Variants in CHD7 observed in about 807,000 individuals in gnomAD.
CHD7 encodes the protein ATP-dependent chromatin remodeler CHD7.
A neutral mutation model predicts 307.3 loss-of-function variants in CHD7; 24 were observed. The observed-to-expected ratio is 0.08, with a 90% CI of 0.06 to 0.11. The LOEUF (loss-of-function observed/expected upper bound fraction) is 0.11, where lower values mean the gene tolerates loss of function less well. Among genes scored for constraint, CHD7 ranks in the 10% least tolerant of loss-of-function variants. The pLI, the probability that CHD7 is intolerant of heterozygous loss-of-function variation, is 1.00. For synonymous variants in CHD7, 1,363 were observed against 1,349.9 expected (o/e 1.01, Z -0.21); for missense variants, 3,106 against 3,727.1 (o/e 0.83, Z 4.34).
chr8:60,836,041 A>T, intron 15 of CHD7, 32 bp from the exon 16 acceptor site: 1 of 1,511,136 alleles, frequency 6.6e-7, no homozygotes, highest in Non-Finnish European at 9.1e-7. Flanking sequence ...AACCTTTTAC[A>T]GTATTCACGT....
At chr8:60,851,164 G>T in intron 27 of CHD7, 60 bp downstream of exon 27, 1 of 1,480,446 alleles carries the variant, frequency 6.8e-7, no homozygotes, top group Non-Finnish European at 9.2e-7. Context: ...GCCCACATAA[G>T]ACTTGTTAAA....
intron 7 of CHD7, 29 bp downstream of exon 7, chr8:60,808,301 G>A: frequency 7.7e-7 from 1 of 1,295,164 alleles, no homozygotes; most frequent in Non-Finnish European, 1.1e-6. Flanking sequence ...TGTTTTTAAT[G>A]GGGGGCTATA....
intron 1 of CHD7, among the ~76,000 whole-genome samples, chr8:60,726,393 A>G (rs1017640748): frequency 1.3e-5 from 2 of 152,236 alleles, no homozygotes; most frequent in African/African-American, 4.8e-5. Context: ...GATCAAGGCC[A>G]CGTAGCCTAG....
Position 60,742,824 on chromosome 8 carries a change from G to C in CHD7, c.1392G>C (p.Met464Ile). The C allele has an allele frequency of 6.2e-7, 1 of 1,613,766 alleles. No homozygotes were observed. The highest frequency in any genetic ancestry group is 1.3e-5 in the African/African-American group (1 of 75,048). The change falls in exon 2 of 38, where the codon ATG becomes ATC. Residue 464 changes from methionine to isoleucine, a missense_variant. This residue lies in a region of CHD7 where 998 missense variants were observed against 1,004.5 expected (regional missense o/e 0.99). Coordinates refer to ENST00000423902, the MANE Select transcript of CHD7 (RefSeq NM_017780.4). ...NMQQSRPFIG[M>I]SSAPRELTGH... ...AGCAGTCTCGTCCATTTATAGGCATGTCCTCGGCACCAAGGGAATTGACTG... is the reference window on the plus strand; with the variant it reads ...AGCAGTCTCGTCCATTTATAGGCATCTCCTCGGCACCAAGGGAATTGACTG...
In CHD7 at chr8:60,836,292, C is replaced by T. The variant is rs373206209; in HGVS notation, c.3989+9C>T. On this transcript the variant is annotated intron_variant, in intron 16 of 37. Coordinates refer to ENST00000423902, the MANE Select transcript of CHD7 (RefSeq NM_017780.4). ...TACCTCATTCAAAGACGGTGAGGACCACCATATCAGAATAATAAAAAGGAA... is the reference window on the plus strand; with the variant it reads ...TACCTCATTCAAAGACGGTGAGGACTACCATATCAGAATAATAAAAAGGAA... The T allele has an allele frequency of 5.3e-5, 86 of 1,609,658 alleles. No individual in the cohort carries two copies. In the African/African-American group the frequency reaches 9.8e-4, roughly 18 times the overall value.
intron 3 of CHD7, among the ~76,000 whole-genome samples, chr8:60,789,517 C>T (rs552788276): frequency 5.9e-5 from 9 of 152,336 alleles, no homozygotes; most frequent in African/African-American, 1.9e-4. Context: ...TTCCCATTGT[C>T]CAGACATTCT....
Position 60,850,806 on chromosome 8 carries a change from T to C in CHD7, c.5534+184T>C. The C allele has an allele frequency of 9.3e-6, 7 of 749,818 alleles. No homozygotes were observed. In the South Asian group the frequency reaches 1.2e-4, roughly 12 times the overall value. 46.4% of individuals were successfully genotyped at this position (749,818 alleles called of 1,614,324 possible). ...TAAACAATATACATTATCTTGATAA[T>C]CTGAAACTTGTTTTTCTTTTCCAAA... On this transcript the variant is annotated intron_variant, in intron 26 of 37. Coordinates refer to ENST00000423902, the MANE Select transcript of CHD7 (RefSeq NM_017780.4).
chr8:60,725,562 TCTCA>T (rs1455004678), intron 1 of CHD7, among the ~76,000 whole-genome samples: 2 of 152,192 alleles, frequency 1.3e-5, no homozygotes, highest in Non-Finnish European at 2.9e-5. Flanking sequence ...GGAGGTTACT[TCTCA>T]CTCATATTTT....
intron 32 of CHD7, 47 bp downstream of exon 32, chr8:60,854,570 GGGTAGAGGAA>G: frequency 6.8e-7 from 1 of 1,478,706 alleles, no homozygotes; most frequent in Non-Finnish European, 9.1e-7. Flanking sequence ...AAAAGGATTA[GGGTAGAGGAA>G]ATCTTTCTAG....
chr8:60,762,548 T>A (rs1810266092), intron 2 of CHD7, among the ~76,000 whole-genome samples: 1 of 152,236 alleles, frequency 6.6e-6, no homozygotes, highest in South Asian at 2.1e-4. Context: ...TTGGACCTAT[T>A]TAACCGTGTT....
At chr8:60,764,010 CAG>C (rs1467580772) in intron 2 of CHD7, among the ~76,000 whole-genome samples, 7 of 151,944 alleles carry the variant, frequency 4.6e-5, no homozygotes, top group Non-Finnish European at 8.8e-5. Context: ...TTTTTTGAGA[CAG>C]AGTCTCATTC....
At chr8:60,756,996 T>G (rs1250241136) in intron 2 of CHD7, among the ~76,000 whole-genome samples, 1 of 152,248 alleles carries the variant, frequency 6.6e-6, no homozygotes, top group Non-Finnish European at 1.5e-5. Context: ...AGCTCCATTC[T>G]TTGAAAACCA....
chr8:60,802,683 A>G (rs914579298), intron 6 of CHD7, among the ~76,000 whole-genome samples: 1 of 152,190 alleles, frequency 6.6e-6, no homozygotes, highest in Non-Finnish European at 1.5e-5. Flanking sequence ...TATACAAAGT[A>G]TCTCCCAGTA....
chr8:60,763,978 TTCTTTCTTTTG>T (rs1810349026), intron 2 of CHD7, among the ~76,000 whole-genome samples: 2 of 152,052 alleles, frequency 1.3e-5, no homozygotes, highest in African/African-American at 4.8e-5. Context: ...ACTGAAATAG[TTCTTTCTTTTG>T]TTCTTTCTTT....
rs1808985213 is a variant in CHD7, at chr8:60,741,252, C to T, written c.-174-7C>T. ...CTTCTTCTCCCCCACCCCAAACTCCCTTCCAGGACCTATATCCAGACTTTG... is the reference window on the plus strand; with the variant it reads ...CTTCTTCTCCCCCACCCCAAACTCCTTTCCAGGACCTATATCCAGACTTTG... On this transcript the variant is annotated splice_polypyrimidine_tract_variant and splice_region_variant and intron_variant, in intron 1 of 37. Coordinates refer to ENST00000423902, the MANE Select transcript of CHD7 (RefSeq NM_017780.4). 6.8e-6 allele frequency: 4 copies of T among 591,818 alleles called. No homozygotes were observed. In the Admixed American group the frequency reaches 9.1e-5, roughly 14 times the overall value. 36.7% of individuals were successfully genotyped at this position (591,818 alleles called of 1,614,324 possible).
chr8:60,776,847 A>G (rs1212371668), intron 2 of CHD7, among the ~76,000 whole-genome samples: 6 of 152,202 alleles, frequency 3.9e-5, no homozygotes, highest in African/African-American at 7.2e-5. Context: ...AACCTGGGGA[A>G]TACTGGAAAA....
chr8:60,834,074 T>G (rs949959570), intron 15 of CHD7, among the ~76,000 whole-genome samples: 9 of 152,228 alleles, frequency 5.9e-5, no homozygotes, highest in Admixed American at 3.3e-4. Flanking sequence ...ATTTTTTTTC[T>G]GACTATTCTT....
At chr8:60,761,230 A>G (rs997778959) in intron 2 of CHD7, among the ~76,000 whole-genome samples, 1 of 150,988 alleles carries the variant, frequency 6.6e-6, no homozygotes, top group Non-Finnish European at 1.5e-5. Context: ...TTCTCAGTAA[A>G]CTATCGCAAG....
chr8:60,681,930 TTATTA>T (rs1361440633), intron 1 of CHD7, among the ~76,000 whole-genome samples: 3 of 152,316 alleles, frequency 2.0e-5, no homozygotes, highest in South Asian at 2.1e-4. Flanking sequence ...GAATTTTAAA[TTATTA>T]TATTCATTTA....
Sources: gnomAD v4.1 joint callset for allele counts (sites outside exome capture counted in the v4.1 genomes callset) on GRCh38, gnomAD v4.1.1 for gene constraint, gnomAD v4.1.1 regional missense constraint, MANE v1.5 for transcripts, NCBI Gene and HGNC (gene_info 2026-07-23, HGNC 2026-07-21) for gene names.